Variants in L3MBTL4 observed in about 807,000 individuals in gnomAD.
L3MBTL4 encodes lethal(3)malignant brain tumor-like protein 4.
In L3MBTL4, 70 loss-of-function variants were observed where a neutral mutation model predicts 84.5. That is an observed-to-expected ratio of 0.83 (90% CI 0.68 to 1.01). The LOEUF (loss-of-function observed/expected upper bound fraction) is 1.01. Ranked by LOEUF, L3MBTL4 falls within the 50% of genes least tolerant of loss-of-function variation. The pLI, the probability that L3MBTL4 is intolerant of heterozygous loss-of-function variation, is 0.00. For synonymous variants in L3MBTL4, 274 were observed against 259.8 expected, an observed-to-expected ratio of 1.05 and a Z score of -0.52; for missense variants, 715 against 754.8, an observed-to-expected ratio of 0.95 and a Z score of 0.62.
intron 3 of L3MBTL4, among the ~76,000 whole-genome samples, chr18:6,302,277 C>A (rs1199322306): frequency 6.6e-6 from 1 of 152,204 alleles, no homozygotes; most frequent in African/African-American, 2.4e-5. Context: ...ACAGGAGTGG[C>A]TGACAGAAGA....
intron 13 of L3MBTL4, among the ~76,000 whole-genome samples, chr18:6,159,213 C>A (rs111554498): frequency 2.6e-5 from 4 of 152,232 alleles, no homozygotes; most frequent in African/African-American, 9.6e-5. Context: ...CTTCCATAGG[C>A]CTCGCCCCAG....
At chr18:6,071,761 AAAAGAAAGAAAGAAAG>A (rs201841975) in intron 16 of L3MBTL4, among the ~76,000 whole-genome samples, 13 of 92,200 alleles carry the variant, frequency 1.4e-4, no homozygotes, top group South Asian at 7.6e-4. Context: ...AAGAAAGAAA[AAAAGAAAGAAAGAAAG>A]AAAGAAAGAA....
At chr18:6,387,966 C>A (rs1263116258) in intron 1 of L3MBTL4, among the ~76,000 whole-genome samples, 1 of 152,224 alleles carries the variant, frequency 6.6e-6, no homozygotes, top group African/African-American at 2.4e-5. Context: ...GACACACTAT[C>A]TAGAGTGTGG....
intron 9 of L3MBTL4, among the ~76,000 whole-genome samples, chr18:6,239,049 T>A (rs1352215244): frequency 6.6e-6 from 1 of 152,064 alleles, no homozygotes; most frequent in African/African-American, 2.4e-5. Flanking sequence ...CTTTTAAAAA[T>A]GTGATAAGGT....
At chr18:6,247,651 T>C (rs1186189554) in intron 5 of L3MBTL4, among the ~76,000 whole-genome samples, 1 of 148,354 alleles carries the variant, frequency 6.7e-6, no homozygotes, top group Non-Finnish European at 1.5e-5. Flanking sequence ...GCTAATTTTT[T>C]TTTTTTTTTT....
intron 1 of L3MBTL4, among the ~76,000 whole-genome samples, chr18:6,410,315 C>T (rs1235623837): frequency 6.6e-6 from 1 of 152,226 alleles, no homozygotes; most frequent in African/African-American, 2.4e-5. Context: ...ATCTGCATTA[C>T]GCACTCACGT....
chr18:6,333,204 CAAT>C (rs2052134520), intron 1 of L3MBTL4, among the ~76,000 whole-genome samples: 1 of 151,734 alleles, frequency 6.6e-6, no homozygotes, highest in South Asian at 2.1e-4. Context: ...GGGTAGGAAT[CAAT>C]AATAATGATA....
intron 5 of L3MBTL4, among the ~76,000 whole-genome samples, chr18:6,246,311 C>T (rs1024087938): frequency 1.1e-4 from 16 of 152,064 alleles, no homozygotes; most frequent in African/African-American, 3.9e-4. Flanking sequence ...ATATACTTTG[C>T]TATATTTATT....
intron 10 of L3MBTL4, among the ~76,000 whole-genome samples, chr18:6,222,691 T>C (rs909263043): frequency 6.6e-5 from 10 of 152,112 alleles, no homozygotes; most frequent in Admixed American, 2.6e-4. Context: ...TCACGTTATA[T>C]CTTTATTGTT....
intron 15 of L3MBTL4, among the ~76,000 whole-genome samples, chr18:6,083,424 C>A (rs1409482009): frequency 6.6e-6 from 1 of 152,144 alleles, no homozygotes; most frequent in Admixed American, 6.6e-5. Context: ...CTGAAGCCAG[C>A]CATGGAGGGC....
At chr18:6,394,542 G>A (rs8098757) in intron 1 of L3MBTL4, among the ~76,000 whole-genome samples, 22,396 of 151,664 alleles carry the variant, frequency 0.15, 1,707 homozygotes, top group Non-Finnish European at 0.15. Flanking sequence ...GCTTATTGAC[G>A]GCCTCTCCCC....
intron 1 of L3MBTL4, among the ~76,000 whole-genome samples, chr18:6,378,697 T>C (rs193258612): frequency 7.9e-5 from 12 of 152,326 alleles, no homozygotes; most frequent in African/African-American, 2.6e-4. Flanking sequence ...TTGGTACCAG[T>C]ACCGTGCTGT....
intron 13 of L3MBTL4, among the ~76,000 whole-genome samples, chr18:6,159,999 A>G (rs992884796): frequency 2.0e-5 from 3 of 152,144 alleles, no homozygotes; most frequent in African/African-American, 4.8e-5. Context: ...GTTTAAAACA[A>G]GGGCTGAAGG....
chr18:6,141,132 C>T (rs1196791298), intron 13 of L3MBTL4, among the ~76,000 whole-genome samples: 5 of 151,512 alleles, frequency 3.3e-5, no homozygotes, highest in Middle Eastern at 3.4e-3. Context: ...AAACTACATA[C>T]TGTACTATGT....
At chr18:6,170,668 G>A (rs1419213809) in intron 13 of L3MBTL4, among the ~76,000 whole-genome samples, 1 of 152,058 alleles carries the variant, frequency 6.6e-6, no homozygotes, top group Non-Finnish European at 1.5e-5. Flanking sequence ...GCTGGTCCAC[G>A]CCTACCCCAG....
chr18:6,168,258 A>C (rs981033320), intron 13 of L3MBTL4, among the ~76,000 whole-genome samples: 3 of 152,164 alleles, frequency 2.0e-5, no homozygotes, highest in African/African-American at 7.2e-5. Flanking sequence ...TGCCCAAGGT[A>C]ATTTACAGAT....
chr18:6,258,552 C>G (rs934024469), intron 5 of L3MBTL4: 10 of 152,296 alleles, frequency 6.6e-5, no homozygotes, highest in African/African-American at 2.4e-4. Flanking sequence ...AAAGGAACTA[C>G]AAGTCTTAAA....
At chr18:6,161,754 G>A (rs1384646765) in intron 13 of L3MBTL4, among the ~76,000 whole-genome samples, 1 of 152,014 alleles carries the variant, frequency 6.6e-6, no homozygotes, top group Non-Finnish European at 1.5e-5. Flanking sequence ...TTCCTTCCTG[G>A]GCTCACCCCA....
At chr18:6,171,750 A>G in intron 13 of L3MBTL4, 78 bp downstream of exon 13, 1 of 774,174 alleles carries the variant, frequency 1.3e-6, no homozygotes, top group Non-Finnish European at 2.1e-6. Flanking sequence ...AATGCCTGTA[A>G]TGGCATGAAT....
Sources: allele counts gnomAD v4.1 joint callset (sites outside exome capture counted in the v4.1 genomes callset), GRCh38; gene constraint gnomAD v4.1.1; transcripts MANE v1.5; gene names NCBI Gene and HGNC (gene_info 2026-07-23, HGNC 2026-07-21).